Variants in SUGCT observed in about 807,000 individuals in gnomAD.
The protein encoded by SUGCT is succinyl-CoA:glutarate CoA-transferase.
In SUGCT, 41 loss-of-function variants were observed where a neutral mutation model predicts 55.0. That is an observed-to-expected ratio of 0.74 (90% CI 0.58 to 0.97). SUGCT has a LOEUF of 0.97. SUGCT is among the 50% of genes least tolerant of loss of function. The probability of loss-of-function intolerance (pLI) is 0.00; values close to 1 mark genes in which losing one functional copy is unlikely to be tolerated. For synonymous variants in SUGCT, 187 were observed against 200.4 expected (o/e 0.93, Z 0.56); for missense variants, 568 against 547.8 (o/e 1.04, Z -0.37).
intron 12 of SUGCT, among the ~76,000 whole-genome samples, chr7:40,617,487 G>C (rs1204423701): frequency 2.0e-5 from 3 of 150,998 alleles, no homozygotes; most frequent in Non-Finnish European, 3.0e-5. Flanking sequence ...GTGTGTGTGT[G>C]TGTGTGTGTG....
chr7:40,876,252 C>G, the SUGCT span, among the ~76,000 whole-genome samples: 1 of 152,154 alleles, frequency 6.6e-6, no homozygotes, highest in Non-Finnish European at 1.5e-5. Flanking sequence ...AAGATTGACA[C>G]TGTCTTCATC....
chr7:40,358,717 A>C (rs1159352937), intron 9 of SUGCT, among the ~76,000 whole-genome samples: 2 of 150,658 alleles, frequency 1.3e-5, no homozygotes. Flanking sequence ...TCCATCTCAA[A>C]AACAACAACA....
chr7:40,289,913 G>A (rs553724806), intron 8 of SUGCT, among the ~76,000 whole-genome samples: 5,078 of 151,856 alleles, frequency 0.033, 132 homozygotes, highest in Non-Finnish European at 0.048. Flanking sequence ...CAATTGCTTC[G>A]AAGAGAATAA....
chr7:40,715,733 A>G (rs1189232476), intron 12 of SUGCT, among the ~76,000 whole-genome samples: 1 of 151,938 alleles, frequency 6.6e-6, no homozygotes, highest in Non-Finnish European at 1.5e-5. Context: ...TTGTCTTTTG[A>G]CATCCTCCCT....
intron 9 of SUGCT, among the ~76,000 whole-genome samples, chr7:40,378,250 C>T (rs1784703864): frequency 6.6e-6 from 1 of 151,844 alleles, no homozygotes; most frequent in African/African-American, 2.4e-5. Context: ...TGTTGTGCAC[C>T]TGTTAGTATT....
intron 10 of SUGCT, among the ~76,000 whole-genome samples, chr7:40,457,820 A>G (rs1789573660): frequency 6.6e-6 from 1 of 152,158 alleles, no homozygotes; most frequent in South Asian, 2.1e-4. Context: ...CCAGGTTTAT[A>G]AATTTAACCT....
chr7:40,727,933 T>A (rs1436721653), intron 12 of SUGCT, among the ~76,000 whole-genome samples: 3 of 152,224 alleles, frequency 2.0e-5, no homozygotes. Flanking sequence ...CTCACTGTTC[T>A]AGCATATATC....
chr7:40,832,228 C>T (rs934721330), intron 13 of SUGCT, among the ~76,000 whole-genome samples: 2 of 152,116 alleles, frequency 1.3e-5, no homozygotes, highest in Non-Finnish European at 2.9e-5. Context: ...GGTTCTTGCT[C>T]CGCTTCCTTA....
At chr7:40,336,208 T>C (rs746420841) in intron 9 of SUGCT, among the ~76,000 whole-genome samples, 1 of 152,180 alleles carries the variant, frequency 6.6e-6, no homozygotes, top group South Asian at 2.1e-4. Context: ...TCTAAGATTC[T>C]CTTTTTTTGT....
the SUGCT span, among the ~76,000 whole-genome samples, chr7:41,005,331 T>C: frequency 6.6e-6 from 1 of 152,062 alleles, no homozygotes; most frequent in African/African-American, 2.4e-5. Context: ...TGAAATTGAA[T>C]GTTAATATTA....
intron 10 of SUGCT, among the ~76,000 whole-genome samples, chr7:40,452,117 T>A (rs1433962801): frequency 1.3e-5 from 2 of 152,228 alleles, no homozygotes; most frequent in East Asian, 1.9e-4. Context: ...GCTATATTAG[T>A]GAGCTTTCAC....
chr7:40,572,989 C>T (rs1212133237), intron 12 of SUGCT, among the ~76,000 whole-genome samples: 2 of 152,152 alleles, frequency 1.3e-5, no homozygotes, highest in African/African-American at 4.8e-5. Flanking sequence ...GGACTGAAGA[C>T]ATAGGGTAGA....
chr7:40,534,795 G>T (rs1794274912), intron 12 of SUGCT, among the ~76,000 whole-genome samples: 2 of 152,224 alleles, frequency 1.3e-5, no homozygotes, highest in East Asian at 1.9e-4. Context: ...AATTACTTAT[G>T]CCATTATAAT....
At chr7:40,887,868 A>G in the SUGCT span, among the ~76,000 whole-genome samples, 7 of 152,168 alleles carry the variant, frequency 4.6e-5, no homozygotes, top group Middle Eastern at 3.2e-3. Context: ...TTGAATGAAA[A>G]GCAGGGGAAT....
chr7:40,976,250 C>T, the SUGCT span, among the ~76,000 whole-genome samples: 1 of 152,192 alleles, frequency 6.6e-6, no homozygotes, highest in African/African-American at 2.4e-5. Context: ...TCAATTGCTT[C>T]TAAATGTGGT....
chr7:40,345,751 G>T (rs1400199936), intron 9 of SUGCT, among the ~76,000 whole-genome samples: 1 of 152,006 alleles, frequency 6.6e-6, no homozygotes, highest in Non-Finnish European at 1.5e-5. Context: ...GCCTGATATT[G>T]ATAGAAAGTA....
At chr7:40,247,690 G>A (rs1265735726) in intron 7 of SUGCT, among the ~76,000 whole-genome samples, 3 of 152,110 alleles carry the variant, frequency 2.0e-5, no homozygotes, top group Non-Finnish European at 4.4e-5. Context: ...TGAACTATAG[G>A]TTCCGGCCTT....
At chr7:40,931,815 T>C in the SUGCT span, among the ~76,000 whole-genome samples, 1 of 152,244 alleles carries the variant, frequency 6.6e-6, no homozygotes, top group African/African-American at 2.4e-5. Flanking sequence ...TTCTCTCTTT[T>C]ATTCCTTATT....
chr7:40,638,035 T>A (rs1490912460), intron 12 of SUGCT, among the ~76,000 whole-genome samples: 1 of 152,228 alleles, frequency 6.6e-6, no homozygotes, highest in Non-Finnish European at 1.5e-5. Context: ...GTGCATTTTA[T>A]CTGAACTACT....
Sources: gnomAD v4.1 joint callset for allele counts (sites outside exome capture counted in the v4.1 genomes callset) on GRCh38, gnomAD v4.1.1 for gene constraint, MANE v1.5 for transcripts, NCBI Gene and HGNC (gene_info 2026-07-23, HGNC 2026-07-21) for gene names.